FHIT: variants seen among roughly 807,000 people sequenced by gnomAD.
FHIT encodes the protein bis(5'-adenosyl)-triphosphatase.
A neutral mutation model predicts 17.9 loss-of-function variants in FHIT; 19 were observed. The ratio of observed to expected loss-of-function variants is 1.06; its 90% CI spans 0.74 to 1.56. The LOEUF is 1.56. Ranked by LOEUF, FHIT falls within the 40% of genes most tolerant of loss-of-function variation. The probability of loss-of-function intolerance (pLI) is 0.00; values close to 1 mark genes in which losing one functional copy is unlikely to be tolerated. For synonymous variants in FHIT, 81 were observed against 69.7 expected (o/e 1.16, Z -0.81); for missense variants, 248 against 189.2 (o/e 1.31, Z -1.82).
chr3:60,957,998 TTAGAC>T (rs1709249580), intron 3 of FHIT, among the ~76,000 whole-genome samples: 3 of 152,250 alleles, frequency 2.0e-5, no homozygotes, highest in Admixed American at 2.0e-4. Flanking sequence ...AATGCTGAAT[TTAGAC>T]TAGATTCCTC....
intron 5 of FHIT, among the ~76,000 whole-genome samples, chr3:60,145,417 T>G (rs1404537614): frequency 1.3e-5 from 2 of 152,138 alleles, no homozygotes; most frequent in Non-Finnish European, 2.9e-5. Flanking sequence ...AACAAATTAT[T>G]AGAAATTAAA....
chr3:60,614,717 C>G (rs1015883215), intron 4 of FHIT, among the ~76,000 whole-genome samples: 8 of 151,948 alleles, frequency 5.3e-5, no homozygotes, highest in African/African-American at 1.9e-4. Flanking sequence ...TTAAACCCAT[C>G]CTACTGGACC....
Position 60,537,867 on chromosome 3 carries a change from GAAC to G in FHIT, c.-17-891_-17-889del, listed in dbSNP as rs368526581. On this transcript the variant is annotated intron_variant, in intron 4 of 9. Transcript: ENST00000492590. ...AAACTACTTCATTTTTCTAATTCGG[GAAC>G]AGCCTAGTATGAAACTGAGGAACAT... Among the ~76,000 whole-genome samples, 19 of 152,226 alleles carry G rather than the reference GAAC, an allele frequency of 1.2e-4. No homozygotes were observed. The East Asian group carries it at 2.1e-3, about 17-fold the overall frequency.
chr3:60,107,367 T>C (rs1559638356), intron 5 of FHIT, among the ~76,000 whole-genome samples: 2 of 152,148 alleles, frequency 1.3e-5, no homozygotes, highest in Admixed American at 6.5e-5. Context: ...TATTCTAATC[T>C]TATCAGAATA....
At chr3:60,848,467 T>C (rs542030474) in intron 3 of FHIT, among the ~76,000 whole-genome samples, 1 of 152,284 alleles carries the variant, frequency 6.6e-6, no homozygotes, top group African/African-American at 2.4e-5. Context: ...CAGCACATTC[T>C]TTCAACCCAT....
intron 4 of FHIT, among the ~76,000 whole-genome samples, chr3:60,753,220 C>G (rs2042504547): frequency 6.6e-6 from 1 of 152,074 alleles, no homozygotes; most frequent in Admixed American, 6.5e-5. Flanking sequence ...TAAAGGAAAT[C>G]TAGGCTAAAG....
intron 4 of FHIT, among the ~76,000 whole-genome samples, chr3:60,551,716 C>G (rs2036565723): frequency 6.7e-6 from 1 of 148,804 alleles, no homozygotes; most frequent in Admixed American, 6.7e-5. Context: ...TGTGATCATG[C>G]CCCTGCACTC....
chr3:60,744,251 AAAAAAACAAAACAAAAC>A (rs1200879160), intron 4 of FHIT, among the ~76,000 whole-genome samples: 6 of 67,618 alleles, frequency 8.9e-5, no homozygotes, highest in Non-Finnish European at 1.3e-4. Context: ...TAATGTAAAA[AAAAAAACAAAACAAAAC>A]AAAAAAAAAA....
chr3:60,290,697 C>T (rs1462560354), intron 5 of FHIT, among the ~76,000 whole-genome samples: 3 of 152,150 alleles, frequency 2.0e-5, no homozygotes, highest in African/African-American at 7.2e-5. Context: ...CACTGCATTA[C>T]ACTGTGTCTC....
intron 3 of FHIT, among the ~76,000 whole-genome samples, chr3:60,955,002 G>T (rs2107471531): frequency 6.6e-6 from 1 of 152,190 alleles, no homozygotes; most frequent in African/African-American, 2.4e-5. Flanking sequence ...TCTATTTATT[G>T]TTACCATATA....
At chr3:60,761,424 T>C (rs556043289) in intron 4 of FHIT, among the ~76,000 whole-genome samples, 1 of 152,324 alleles carries the variant, frequency 6.6e-6, no homozygotes, top group African/African-American at 2.4e-5. Context: ...ACAGACACTG[T>C]TCTGGTCACA....
At chr3:60,175,906 C>T (rs542466564) in intron 5 of FHIT, among the ~76,000 whole-genome samples, 19 of 152,246 alleles carry the variant, frequency 1.2e-4, no homozygotes, top group African/African-American at 1.4e-4. Flanking sequence ...TCTAATAGAA[C>T]TTCCTGTGAT....
At chr3:59,889,454 A>G (rs1703758747) in intron 8 of FHIT, among the ~76,000 whole-genome samples, 1 of 152,336 alleles carries the variant, frequency 6.6e-6, no homozygotes, top group Non-Finnish European at 1.5e-5. Flanking sequence ...AGATAAATGA[A>G]GCCTCCCCAT....
intron 4 of FHIT, chr3:60,618,181 A>G (rs1262841833): frequency 6.5e-6 from 1 of 154,006 alleles, no homozygotes; most frequent in African/African-American, 2.4e-5. Context: ...TTTCTTAACC[A>G]CAGATATATA....
At chr3:60,296,205 A>C (rs1297466203) in intron 5 of FHIT, among the ~76,000 whole-genome samples, 1 of 152,066 alleles carries the variant, frequency 6.6e-6, no homozygotes, top group Non-Finnish European at 1.5e-5. Context: ...GAAATGGACT[A>C]ATATAGAGGG....
chr3:60,576,015 T>C (rs1553657479), intron 4 of FHIT, among the ~76,000 whole-genome samples: 1 of 151,906 alleles, frequency 6.6e-6, no homozygotes, highest in African/African-American at 2.4e-5. Context: ...AGGGAATGAG[T>C]ATACTCACCT....
chr3:60,194,332 G>T (rs1053538953), intron 5 of FHIT, among the ~76,000 whole-genome samples: 2 of 152,064 alleles, frequency 1.3e-5, no homozygotes, highest in African/African-American at 2.4e-5. Flanking sequence ...AACATAAACT[G>T]GGGAAAGGAC....
At chr3:60,320,080 A>T (rs1378104766) in intron 5 of FHIT, among the ~76,000 whole-genome samples, 1 of 152,138 alleles carries the variant, frequency 6.6e-6, no homozygotes, top group Non-Finnish European at 1.5e-5. Flanking sequence ...GAGTTTCTTT[A>T]GGCACCATCC....
chr3:61,122,059 C>A (rs906671273), intron 2 of FHIT, among the ~76,000 whole-genome samples: 4 of 152,024 alleles, frequency 2.6e-5, no homozygotes, highest in Non-Finnish European at 4.4e-5. Context: ...CAATCCTAAG[C>A]CAAAAGAACA....
Sources: allele counts gnomAD v4.1 joint callset (sites outside exome capture counted in the v4.1 genomes callset), GRCh38; gene constraint gnomAD v4.1.1; transcripts MANE v1.5; gene names NCBI Gene and HGNC (gene_info 2026-07-23, HGNC 2026-07-21).